The following FOXB2 variants were observed in gnomAD, a reference collection of about 807,000 sequenced individuals.
The protein encoded by FOXB2 is forkhead box B2.
In FOXB2, 1 loss-of-function variant was observed where a neutral mutation model predicts 0.9. That is an observed-to-expected ratio of 1.09 (90% confidence interval 0.39 to 5.18). The LOEUF is 5.18. Ranked by LOEUF, FOXB2 falls within the 30% of genes most tolerant of loss-of-function variation. The pLI is 0.16. For missense variants in FOXB2, 670 were observed against 626.6 expected, an observed-to-expected ratio of 1.07 and a Z score of -0.74; for synonymous variants, 322 against 293.5, an observed-to-expected ratio of 1.10 and a Z score of -0.99.
At position 77,020,724 on chromosome 9, in the gene FOXB2, A is replaced by G; in HGVS notation, c.1070A>G (p.Gln357Arg). The G allele has an allele frequency of 1.3e-6, 2 of 1,597,186 alleles. No individual in the cohort carries two copies. The highest frequency in any genetic ancestry group is 1.7e-6 in the Non-Finnish European group (2 of 1,174,222). Residue 357 changes from glutamine (Q) to arginine (R), a missense_variant, in exon 1 of 1, where the codon CAG becomes CGG. Transcript: ENST00000376708. This position sits in a 1 kb window ranked among gnomAD's most constrained non-coding sequence, Gnocchi z 4.9. The part of the protein sequence containing the change: ...PVKSLCHSAS[Q>R]SLPAMPVPIK... The stretch of plus-strand genomic sequence containing the variant: ...AAGTCCCTGTGCCACTCGGCAAGCC[A>G]GAGCCTGCCTGCCATGCCGGTGCCC...
Position 77,020,310 on chromosome 9 carries a change from A to C in FOXB2, c.656A>C (p.Glu219Ala). ...QQPSHPGKMQEAAAVAAAAAA... is the reference protein window; with the variant it reads ...QQPSHPGKMQAAAAVAAAAAA... ...CCGTCTCACCCCGGCAAGATGCAGG[A>C]GGCGGCGGCCGTGGCGGCGGCGGCG... The change falls in exon 1 of 1, where the codon GAG (glutamate) becomes GCG (alanine). Residue 219 changes from glutamate to alanine, a missense_variant. By Grantham distance (107) the Glu-to-Ala change is moderately radical. Coordinates refer to ENST00000376708, the MANE Select transcript of FOXB2 (RefSeq NM_001013735.1). The surrounding 1 kb of genome is among the most constrained non-coding windows in gnomAD (Gnocchi z 4.9). 1.6e-6 allele frequency: 2 copies of C among 1,216,930 alleles called. No individual in the cohort carries two copies. The highest frequency in any genetic ancestry group is 2.1e-6 in the Non-Finnish European group (2 of 963,924). 75.4% of individuals were successfully genotyped at this position (1,216,930 alleles called of 1,614,324 possible). A position where few individuals can be genotyped will look rare whatever the true frequency, so the allele number is the denominator to read the frequency against.
rs374096294 is a variant in FOXB2 at position 77,020,443 on chromosome 9, G to A, written c.789G>A (p.Thr263=). The change falls in exon 1 of 1, where the codon ACG becomes ACA. Residue 263 remains threonine, a synonymous_variant. Transcript: ENST00000376708. The surrounding 1 kb of genome is among the most constrained non-coding windows in gnomAD (Gnocchi z 4.9). The part of the protein sequence containing the change: ...AAAAAAAAAS[T]SGFKHPFAIE... Reference sequence around the variant, plus strand: ...CTGCCGCCGCGGCCGCGGCGTCCACGTCAGGCTTCAAGCACCCCTTTGCCA... The same window carrying A: ...CTGCCGCCGCGGCCGCGGCGTCCACATCAGGCTTCAAGCACCCCTTTGCCA... The A allele has an allele frequency of 1.4e-5, 22 of 1,551,136 alleles. No individual in the cohort carries two copies. Among genetic ancestry groups the A allele is most frequent in the African/African-American group, 1.2e-4 (8 of 69,176 alleles).
At position 77,020,298 on chromosome 9, in the gene FOXB2, G is replaced by A; in HGVS notation, c.644G>A (p.Gly215Asp). The A allele has an allele frequency of 2.8e-6, 4 of 1,412,796 alleles. No individual in the cohort carries two copies. The highest frequency in any genetic ancestry group is 2.9e-6 in the Non-Finnish European group (3 of 1,048,576). 87.5% of individuals were successfully genotyped at this position (1,412,796 alleles called of 1,614,324 possible). ...QSQPQQPSHP[G>D]KMQEAAAVAA... The stretch of plus-strand genomic sequence containing the variant: ...CAGCCTCAGCAGCCGTCTCACCCCG[G>A]CAAGATGCAGGAGGCGGCGGCCGTG... The change falls in exon 1 of 1, where the codon GGC becomes GAC. Residue 215 changes from glycine (G) to aspartate (D), a missense_variant. By Grantham distance (94) the Gly-to-Asp change is moderately conservative. Transcript: ENST00000376708. The surrounding 1 kb of genome is among the most constrained non-coding windows in gnomAD (Gnocchi z 4.9).
At position 77,020,738 on chromosome 9, in the gene FOXB2, A is replaced by G. The variant is rs771852614; in HGVS notation, c.1084A>G (p.Met362Val). The G allele has an allele frequency of 1.3e-6, 2 of 1,596,718 alleles. No individual in the cohort carries two copies. Among genetic ancestry groups the G allele is most frequent in the African/African-American group, 2.7e-5 (2 of 73,696 alleles). Residue 362 changes from methionine (M) to valine (V), a missense_variant, in exon 1 of 1, where the codon ATG (methionine) becomes GTG (valine). Physicochemically the swap from Met to Val is conservative, Grantham distance 21 (BLOSUM62 1). Coordinates refer to ENST00000376708, the MANE Select transcript of FOXB2 (RefSeq NM_001013735.1). The surrounding 1 kb of genome is among the most constrained non-coding windows in gnomAD (Gnocchi z 4.9). ...CTCGGCAAGCCAGAGCCTGCCTGCC[A>G]TGCCGGTGCCCATCAAGCCCACGCC... Reference protein sequence around the residue: ...CHSASQSLPAMPVPIKPTPAL... With the variant: ...CHSASQSLPAVPVPIKPTPAL...
Position 77,019,675 on chromosome 9 carries a change from C to T in FOXB2, c.21C>T (p.Ser7=). ...GGGCGATGCCGCGGCCGGGGAAGAGCTCGTACAGCGACCAAAAACCGCCCT... is the reference window on the plus strand; with the variant it reads ...GGGCGATGCCGCGGCCGGGGAAGAGTTCGTACAGCGACCAAAAACCGCCCT... MPRPGK[S]SYSDQKPPYS... The change falls in exon 1 of 1, where the codon AGC becomes AGT. Residue 7 remains serine (S), a synonymous_variant. Coordinates refer to ENST00000376708, the MANE Select transcript of FOXB2 (RefSeq NM_001013735.1). This position sits in a 1 kb window ranked among gnomAD's most constrained non-coding sequence, Gnocchi z 4.4. The T allele has an allele frequency of 6.3e-7, 1 of 1,589,810 alleles. No homozygotes were observed.
chr9:77,019,701 A>G lies in FOXB2; in HGVS notation c.47A>G (p.Tyr16Cys). The part of the protein sequence containing the change: ...KSSYSDQKPP[Y>C]SYISLTAMAI... ...TCGTACAGCGACCAAAAACCGCCCT[A>G]CTCTTACATCTCGCTGACCGCCATG... The change falls in exon 1 of 1, where the codon TAC (tyrosine) becomes TGC (cysteine). Residue 16 changes from tyrosine (Y) to cysteine (C), a missense_variant. Transcript: ENST00000376708. The surrounding 1 kb of genome is among the most constrained non-coding windows in gnomAD (Gnocchi z 4.4). 6.2e-7 allele frequency: 1 copy of G among 1,610,812 alleles called. No homozygotes were observed. The highest frequency in any genetic ancestry group is 1.1e-5 in the South Asian group (1 of 90,688).
Position 77,019,942 on chromosome 9 carries a change from G to T in FOXB2, c.288G>T (p.Met96Ile), listed in dbSNP as rs761739702. 11 of 1,613,434 alleles carry T rather than the reference G, an allele frequency of 6.8e-6. No homozygotes were observed. In the East Asian group the frequency reaches 1.3e-4, roughly 20 times the overall value. The change falls in exon 1 of 1, where the codon ATG becomes ATT. Residue 96 changes from methionine (M) to isoleucine (I), a missense_variant. Coordinates refer to ENST00000376708, the MANE Select transcript of FOXB2 (RefSeq NM_001013735.1). This position sits in a 1 kb window ranked among gnomAD's most constrained non-coding sequence, Gnocchi z 4.4. The part of the protein sequence containing the change: ...FWALHPDCGD[M>I]FENGSFLRRR... The stretch of plus-strand genomic sequence containing the variant: ...CGCTGCACCCCGACTGCGGGGACAT[G>T]TTCGAGAACGGCAGCTTCCTGCGGC...
At position 77,019,997 on chromosome 9, in the gene FOXB2, G is replaced by T; in HGVS notation, c.343G>T (p.Asp115Tyr). 1.9e-6 allele frequency: 3 copies of T among 1,611,480 alleles called. No homozygotes were observed. The highest frequency in any genetic ancestry group is 2.5e-6 in the Non-Finnish European group (3 of 1,179,572). The change falls in exon 1 of 1, where the codon GAC becomes TAC. Residue 115 changes from aspartate (D) to tyrosine (Y), a missense_variant. Physicochemically the swap from Asp to Tyr is radical, Grantham distance 160. Coordinates refer to ENST00000376708, the MANE Select transcript of FOXB2 (RefSeq NM_001013735.1). The surrounding 1 kb of genome is among the most constrained non-coding windows in gnomAD (Gnocchi z 4.4). ...CAAGCGCTTCAAGGTGCTGCGCGCC[G>T]ACCATACTCACTTGCACGCGGGAAG... Reference protein sequence around the residue: ...RRKRFKVLRADHTHLHAGSTK... With the variant: ...RRKRFKVLRAYHTHLHAGSTK...
Position 77,020,329 on chromosome 9 carries a change from GGCGGCGGCGGCGGCC to G in FOXB2, c.681_695del (p.Ala230_Ala234del), listed in dbSNP as rs760278920. Reference sequence around the variant, plus strand: ...TGCAGGAGGCGGCGGCCGTGGCGGCGGCGGCGGCGGCGGCCGCGGCAGCCGCGGTGGGCAGCGTGG... The same window carrying G: ...TGCAGGAGGCGGCGGCCGTGGCGGCGGCGGCAGCCGCGGTGGGCAGCGTGG... On this transcript the variant is annotated inframe_deletion, in exon 1 of 1. Coordinates refer to ENST00000376708, the MANE Select transcript of FOXB2 (RefSeq NM_001013735.1). This position sits in a 1 kb window ranked among gnomAD's most constrained non-coding sequence, Gnocchi z 4.9. The G allele has an allele frequency of 1.6e-5, 20 of 1,215,394 alleles. 3 individuals carry two copies. In the South Asian group the frequency reaches 7.1e-4, roughly 43 times the overall value. 75.3% of individuals were successfully genotyped at this position (1,215,394 alleles called of 1,614,324 possible).
In FOXB2 at chr9:77,020,871, T is replaced by G; in HGVS notation, c.1217T>G (p.Val406Gly). 6.4e-7 allele frequency: 1 copy of G among 1,554,462 alleles called. No individual in the cohort carries two copies. The highest frequency in any genetic ancestry group is 1.4e-5 in the African/African-American group (1 of 73,552). ...TGCTCCGCGGCCGCGGCCTCGCCCG[T>G]TGCCTCTCTGCTGGAGCCCACAGCC... Reference protein sequence around the residue: ...TVCSAAAASPVASLLEPTAPT... With the variant: ...TVCSAAAASPGASLLEPTAPT... The change falls in exon 1 of 1, where the codon GTT becomes GGT. Residue 406 changes from valine to glycine, a missense_variant. Physicochemically the swap from Val to Gly is moderately radical, Grantham distance 109. Coordinates refer to ENST00000376708, the MANE Select transcript of FOXB2 (RefSeq NM_001013735.1). The surrounding 1 kb of genome is among the most constrained non-coding windows in gnomAD (Gnocchi z 4.9).
Position 77,020,297 on chromosome 9 carries a change from G to A in FOXB2, c.643G>A (p.Gly215Ser), listed in dbSNP as rs1407985412. 7.0e-7 allele frequency: 1 copy of A among 1,436,896 alleles called. No individual in the cohort carries two copies. The highest frequency in any genetic ancestry group is 9.4e-7 in the Non-Finnish European group (1 of 1,064,272). 89.0% of individuals were successfully genotyped at this position (1,436,896 alleles called of 1,614,324 possible). ...GCAGCCTCAGCAGCCGTCTCACCCC[G>A]GCAAGATGCAGGAGGCGGCGGCCGT... ...QSQPQQPSHP[G>S]KMQEAAAVAA... is the part of the protein sequence containing the mutation. The change falls in exon 1 of 1, where the codon GGC becomes AGC. Residue 215 changes from glycine (G) to serine (S), a missense_variant. By Grantham distance (56) the Gly-to-Ser change is moderately conservative. Transcript: ENST00000376708. This position sits in a 1 kb window ranked among gnomAD's most constrained non-coding sequence, Gnocchi z 4.9.
Position 77,020,643 on chromosome 9 carries a change from C to T in FOXB2, c.989C>T (p.Ala330Val). Residue 330 changes from alanine to valine, a missense_variant, in exon 1 of 1, where the codon GCA (alanine) becomes GTA (valine). Coordinates refer to ENST00000376708, the MANE Select transcript of FOXB2 (RefSeq NM_001013735.1). This position sits in a 1 kb window ranked among gnomAD's most constrained non-coding sequence, Gnocchi z 4.9. Reference protein sequence around the residue: ...MDSVAAAAAAAAAAGVPVGPE... With the variant: ...MDSVAAAAAAVAAAGVPVGPE... Reference sequence around the variant, plus strand: ...TCGGTGGCCGCCGCCGCGGCCGCCGCAGCCGCAGCCGGAGTCCCTGTAGGC... The same window carrying T: ...TCGGTGGCCGCCGCCGCGGCCGCCGTAGCCGCAGCCGGAGTCCCTGTAGGC... The T allele has an allele frequency of 6.3e-7, 1 of 1,599,788 alleles. No individual in the cohort carries two copies. The highest frequency in any genetic ancestry group is 1.7e-4 in the Middle Eastern group (1 of 5,870).
chr9:77,019,666 G>T lies in FOXB2; in HGVS notation c.12G>T (p.Pro4=). The part of the protein sequence containing the change: MPR[P]GKSSYSDQKP... ...AGGAGCCGGGGGCGATGCCGCGGCC[G>T]GGGAAGAGCTCGTACAGCGACCAAA... Residue 4 remains proline, a synonymous_variant, in exon 1 of 1, where the codon CCG becomes CCT. Transcript: ENST00000376708. This position sits in a 1 kb window ranked among gnomAD's most constrained non-coding sequence, Gnocchi z 4.4. The T allele has an allele frequency of 6.3e-7, 1 of 1,578,234 alleles. No homozygotes were observed. Among genetic ancestry groups the T allele is most frequent in the Non-Finnish European group, 8.6e-7 (1 of 1,162,568 alleles).
rs146277154 is a variant in FOXB2 at position 77,020,600 on chromosome 9, C to A, written c.946C>A (p.His316Asn). ...CAACGTCGTCAGCTCCGTGTGGCCG[C>A]ACGTTGGCGTCATGGATTCGGTGGC... is the stretch of plus-strand genomic sequence containing the variant. ...LGNVVSSVWP[H>N]VGVMDSVAAA... Residue 316 changes from histidine (H) to asparagine (N), a missense_variant, in exon 1 of 1, where the codon CAC (histidine) becomes AAC (asparagine). Coordinates refer to ENST00000376708, the MANE Select transcript of FOXB2 (RefSeq NM_001013735.1). This position sits in a 1 kb window ranked among gnomAD's most constrained non-coding sequence, Gnocchi z 4.9. 1.5e-4 allele frequency: 235 copies of A among 1,607,140 alleles called. No individual in the cohort carries two copies. The highest frequency in any genetic ancestry group is 1.9e-4 in the Non-Finnish European group (221 of 1,178,334).
Position 77,020,516 on chromosome 9 carries a change from G to C in FOXB2, c.862G>C (p.Gly288Arg), listed in dbSNP as rs1480381393. ...CTACAAGGGCGTGCTGCAGGCTGGA[G>C]GGCTGCCCTTGGCGTCCGTCATGCA... is the stretch of plus-strand genomic sequence containing the variant. ...RDYKGVLQAG[G>R]LPLASVMHHL... Residue 288 changes from glycine to arginine, a missense_variant, in exon 1 of 1, where the codon GGG (glycine) becomes CGG (arginine). Gly to Arg is a moderately radical substitution (Grantham distance 125). Transcript: ENST00000376708. This position sits in a 1 kb window ranked among gnomAD's most constrained non-coding sequence, Gnocchi z 4.9. 6.2e-7 allele frequency: 1 copy of C among 1,610,520 alleles called. No individual in the cohort carries two copies. The highest frequency in any genetic ancestry group is 8.5e-7 in the Non-Finnish European group (1 of 1,179,066).
Position 77,020,881 on chromosome 9 carries a change from G to T in FOXB2, c.1227G>T (p.Leu409=). 1 of 1,558,536 alleles carries T rather than the reference G, an allele frequency of 6.4e-7. No homozygotes were observed. Residue 409 remains leucine, a synonymous_variant, in exon 1 of 1, where the codon CTG becomes CTT. Transcript: ENST00000376708. This position sits in a 1 kb window ranked among gnomAD's most constrained non-coding sequence, Gnocchi z 4.9. Reference sequence around the variant, plus strand: ...CCGCGGCCTCGCCCGTTGCCTCTCTGCTGGAGCCCACAGCCCCTACCTCGG... The same window carrying T: ...CCGCGGCCTCGCCCGTTGCCTCTCTTCTGGAGCCCACAGCCCCTACCTCGG... ...SAAAASPVAS[L]LEPTAPTSAE...
rs768435737 is a variant in FOXB2 at position 77,020,229 on chromosome 9, C to G, written c.575C>G (p.Pro192Arg). Residue 192 changes from proline to arginine, a missense_variant, in exon 1 of 1, where the codon CCG (proline) becomes CGG (arginine). Physicochemically the swap from Pro to Arg is moderately radical, Grantham distance 103. Coordinates refer to ENST00000376708, the MANE Select transcript of FOXB2 (RefSeq NM_001013735.1). The surrounding 1 kb of genome is among the most constrained non-coding windows in gnomAD (Gnocchi z 4.9). ...QQPPTAPQPP[P>R]HLPSQPPQQP... ...CCGCCTACTGCTCCGCAGCCGCCTCCGCACCTCCCGTCACAGCCCCCGCAG... is the reference window on the plus strand; with the variant it reads ...CCGCCTACTGCTCCGCAGCCGCCTCGGCACCTCCCGTCACAGCCCCCGCAG... The G allele has an allele frequency of 2.5e-6, 3 of 1,197,040 alleles. No homozygotes were observed. The highest frequency in any genetic ancestry group is 3.7e-6 in the Non-Finnish European group (3 of 813,474). 74.2% of individuals were successfully genotyped at this position (1,197,040 alleles called of 1,614,324 possible).
Position 77,020,001 on chromosome 9 carries a change from A to G in FOXB2, c.347A>G (p.His116Arg). The change falls in exon 1 of 1, where the codon CAT becomes CGT. Residue 116 changes from histidine to arginine, a missense_variant. Transcript: ENST00000376708. The surrounding 1 kb of genome is among the most constrained non-coding windows in gnomAD (Gnocchi z 4.9). ...RKRFKVLRAD[H>R]THLHAGSTKS... The stretch of plus-strand genomic sequence containing the variant: ...CGCTTCAAGGTGCTGCGCGCCGACC[A>G]TACTCACTTGCACGCGGGAAGCACC... 1 of 1,611,526 alleles carries G rather than the reference A, an allele frequency of 6.2e-7. No individual in the cohort carries two copies. The highest frequency in any genetic ancestry group is 8.5e-7 in the Non-Finnish European group (1 of 1,179,520).
Position 77,020,546 on chromosome 9 carries a change from CT to C in FOXB2, c.893del (p.Leu298ArgfsTer40), listed in dbSNP as rs1564571812. ...GLPLASVMHH[L>X]GYPVPGQLGN... ...GCCCTTGGCGTCCGTCATGCACCAC[CT>C]GGGCTACCCCGTGCCCGGCCAGCTT... On this transcript the variant is annotated frameshift_variant, in exon 1 of 1. Transcript: ENST00000376708. LOFTEE classifies it low-confidence loss of function (END_TRUNC). This position sits in a 1 kb window ranked among gnomAD's most constrained non-coding sequence, Gnocchi z 4.9. The C allele has an allele frequency of 6.2e-7, 1 of 1,611,254 alleles. No homozygotes were observed. Among genetic ancestry groups the C allele is most frequent in the Non-Finnish European group, 8.5e-7 (1 of 1,179,366 alleles).
Sources: allele counts gnomAD v4.1 joint callset, GRCh38; gene constraint gnomAD v4.1.1; non-coding constraint Gnocchi (gnomAD v3.1); transcripts MANE v1.5; gene names NCBI Gene and HGNC (gene_info 2026-07-23, HGNC 2026-07-21).